MMP16: variants seen among roughly 807,000 people sequenced by gnomAD.
MMP16 encodes matrix metallopeptidase 16.
MMP16 carries 12 observed loss-of-function variants against 67.8 expected under a neutral mutation model. The observed-to-expected ratio is 0.18, with a 90% CI of 0.11 to 0.29. The LOEUF (loss-of-function observed/expected upper bound fraction) is 0.29. MMP16 is among the 10% of genes least tolerant of loss of function. The probability of loss-of-function intolerance (pLI) is 1.00; values close to 1 mark genes in which losing one functional copy is unlikely to be tolerated. For synonymous variants in MMP16, 249 were observed against 255.9 expected (o/e 0.97, Z 0.26); for missense variants, 475 against 765.7 (o/e 0.62, Z 4.48).
intron 4 of MMP16, among the ~76,000 whole-genome samples, chr8:88,159,163 C>T (rs557356345): frequency 6.6e-6 from 1 of 152,160 alleles, no homozygotes; most frequent in African/African-American, 2.4e-5. Context: ...TCTTTTGGGT[C>T]CATATGAACT....
At chr8:88,144,773 A>C (rs1452752329) in intron 4 of MMP16, among the ~76,000 whole-genome samples, 1 of 151,978 alleles carries the variant, frequency 6.6e-6, no homozygotes, top group Non-Finnish European at 1.5e-5. Context: ...TCTGTTATGA[A>C]TGAGCAAATT....
intron 1 of MMP16, among the ~76,000 whole-genome samples, chr8:88,326,548 TGA>T (rs1491181010): frequency 6.7e-6 from 1 of 149,076 alleles, no homozygotes; most frequent in African/African-American, 2.5e-5. Context: ...TATGTCTAAA[TGA>T]AAAAAAAAAA....
intron 4 of MMP16, among the ~76,000 whole-genome samples, chr8:88,161,477 T>A (rs1474357139): frequency 1.3e-5 from 2 of 152,168 alleles, no homozygotes; most frequent in East Asian, 3.8e-4. Flanking sequence ...GTCTATCAAT[T>A]TTGTTGATCT....
At chr8:88,311,658 T>C (rs950922553) in intron 1 of MMP16, among the ~76,000 whole-genome samples, 3 of 152,180 alleles carry the variant, frequency 2.0e-5, no homozygotes, top group Non-Finnish European at 4.4e-5. Context: ...ATTTATCTAA[T>C]ACCATAAATA....
intron 6 of MMP16, among the ~76,000 whole-genome samples, chr8:88,107,049 TA>T (rs1250856981): frequency 6.6e-6 from 1 of 151,250 alleles, no homozygotes; most frequent in East Asian, 1.9e-4. Flanking sequence ...TATGGTTTAA[TA>T]TTTCCATTTA....
chr8:88,103,250 A>G (rs1809175042), intron 6 of MMP16, among the ~76,000 whole-genome samples: 1 of 151,774 alleles, frequency 6.6e-6, no homozygotes, highest in Non-Finnish European at 1.5e-5. Context: ...CTCCCACTGT[A>G]CTTTGTACAT....
intron 1 of MMP16, among the ~76,000 whole-genome samples, chr8:88,323,915 C>T (rs140556578): frequency 1.7e-4 from 26 of 152,168 alleles, no homozygotes; most frequent in African/African-American, 6.0e-4. Flanking sequence ...CCAATGAACA[C>T]CTCTGATTCA....
chr8:88,128,520 CCTTT>C (rs1807973287), intron 4 of MMP16, among the ~76,000 whole-genome samples: 2 of 151,708 alleles, frequency 1.3e-5, no homozygotes, highest in Non-Finnish European at 2.9e-5. Flanking sequence ...AAATATAAAT[CCTTT>C]CTTTGTTACT....
chr8:88,224,920 A>G (rs1355637133), intron 1 of MMP16, among the ~76,000 whole-genome samples: 1 of 151,958 alleles, frequency 6.6e-6, no homozygotes, highest in Non-Finnish European at 1.5e-5. Context: ...CGGAATACCC[A>G]TTAACATCTC....
At chr8:88,314,090 T>C (rs968821187) in intron 1 of MMP16, among the ~76,000 whole-genome samples, 1 of 152,214 alleles carries the variant, frequency 6.6e-6, no homozygotes, top group Non-Finnish European at 1.5e-5. Context: ...GATATTCTGT[T>C]CATTGTTAAA....
At chr8:88,124,750 G>A (rs1229025204) in intron 4 of MMP16, among the ~76,000 whole-genome samples, 4 of 151,864 alleles carry the variant, frequency 2.6e-5, no homozygotes, top group Admixed American at 1.3e-4. Context: ...CACATACTGC[G>A]TGGCTTAAAC....
chr8:88,233,244 T>G (rs1809890012), intron 1 of MMP16, among the ~76,000 whole-genome samples: 1 of 152,166 alleles, frequency 6.6e-6, no homozygotes, highest in Non-Finnish European at 1.5e-5. Context: ...AAAAAGGCCT[T>G]TAAAGTTGCC....
At chr8:88,186,676 G>C in intron 2 of MMP16, 78 bp from the exon 3 acceptor site, 1 of 1,481,066 alleles carries the variant, frequency 6.8e-7, no homozygotes, top group Non-Finnish European at 8.9e-7. Flanking sequence ...AAATTCAAAA[G>C]AAAATCAATT....
At chr8:88,287,142 T>C (rs1425174595) in intron 1 of MMP16, among the ~76,000 whole-genome samples, 2 of 152,174 alleles carry the variant, frequency 1.3e-5, no homozygotes, top group East Asian at 1.9e-4. Flanking sequence ...TGCTCGGAGA[T>C]AAAAGACAAA....
intron 4 of MMP16, among the ~76,000 whole-genome samples, chr8:88,134,211 T>G (rs1242254548): frequency 6.6e-6 from 1 of 151,794 alleles, no homozygotes; most frequent in Admixed American, 6.6e-5. Context: ...ATAATAACCA[T>G]AAGCAATTGC....
intron 1 of MMP16, among the ~76,000 whole-genome samples, chr8:88,311,893 G>T (rs900507592): frequency 6.6e-6 from 1 of 152,082 alleles, no homozygotes; most frequent in African/African-American, 2.4e-5. Flanking sequence ...ATTTAAAATA[G>T]GGTTGCAACC....
At chr8:88,078,329 T>C (rs959479374) in intron 6 of MMP16, among the ~76,000 whole-genome samples, 1 of 152,192 alleles carries the variant, frequency 6.6e-6, no homozygotes, top group Non-Finnish European at 1.5e-5. Context: ...CCATGTAGCA[T>C]AGAACCCAGA....
At chr8:88,169,768 C>G (rs117771331) in intron 3 of MMP16, among the ~76,000 whole-genome samples, 91 of 152,044 alleles carry the variant, frequency 6.0e-4, no homozygotes, top group Non-Finnish European at 1.0e-3. Context: ...AGTTTGGTCA[C>G]AGAGAGAGAG....
intron 1 of MMP16, among the ~76,000 whole-genome samples, chr8:88,292,164 G>T (rs1256434951): frequency 6.6e-6 from 1 of 152,150 alleles, no homozygotes; most frequent in Non-Finnish European, 1.5e-5. Flanking sequence ...TACCTGCTTT[G>T]CTAGAGATTA....
Sources: allele counts gnomAD v4.1 joint callset (sites outside exome capture counted in the v4.1 genomes callset), GRCh38; gene constraint gnomAD v4.1.1; transcripts MANE v1.5; gene names NCBI Gene and HGNC (gene_info 2026-07-23, HGNC 2026-07-21).